CARMIL1: variants seen among roughly 807,000 people sequenced by gnomAD.
CARMIL1 encodes the protein capping protein regulator and myosin 1 linker 1.
CARMIL1 carries 90 observed loss-of-function variants against 177.1 expected under a neutral mutation model. That is an observed-to-expected ratio of 0.51 (90% CI 0.43 to 0.61). CARMIL1 has a LOEUF of 0.61. Among genes scored for constraint, CARMIL1 ranks in the 20% least tolerant of loss-of-function variants. The pLI, the probability that CARMIL1 is intolerant of heterozygous loss-of-function variation, is 0.00. For missense variants in CARMIL1, 1,380 were observed against 1,667.0 expected, an observed-to-expected ratio of 0.83 and a Z score of 3.00; for synonymous variants, 577 against 606.2, an observed-to-expected ratio of 0.95 and a Z score of 0.71.
chr6:25,384,535 G>A (rs1245472699), intron 2 of CARMIL1, among the ~76,000 whole-genome samples: 3 of 152,218 alleles, frequency 2.0e-5, no homozygotes, highest in African/African-American at 4.8e-5. Context: ...GTTGCTCTGA[G>A]CCAGTCCCCT....
intron 2 of CARMIL1, among the ~76,000 whole-genome samples, chr6:25,414,010 A>G (rs1159678537): frequency 1.3e-5 from 2 of 152,192 alleles, no homozygotes; most frequent in Admixed American, 6.5e-5. Context: ...CTAAGATGCT[A>G]TTAGTTAAGT....
intron 17 of CARMIL1, among the ~76,000 whole-genome samples, chr6:25,508,155 C>G (rs892882998): frequency 6.6e-6 from 1 of 152,000 alleles, no homozygotes; most frequent in African/African-American, 2.4e-5. Context: ...GGAAGATGTA[C>G]AGGTGTCATG....
intron 2 of CARMIL1, among the ~76,000 whole-genome samples, chr6:25,308,463 C>G (rs936674528): frequency 2.0e-5 from 3 of 149,396 alleles, no homozygotes; most frequent in African/African-American, 7.4e-5. Context: ...CTTACTGCAA[C>G]CTCTGACTCC....
chr6:25,299,265 G>T (rs1290283843), intron 2 of CARMIL1, among the ~76,000 whole-genome samples: 1 of 151,004 alleles, frequency 6.6e-6, no homozygotes, highest in Non-Finnish European at 1.5e-5. Flanking sequence ...CTGCCTCCCG[G>T]GCTCAAGGGA....
At chr6:25,367,779 G>T (rs969834580) in intron 2 of CARMIL1, among the ~76,000 whole-genome samples, 1 of 152,068 alleles carries the variant, frequency 6.6e-6, no homozygotes, top group South Asian at 2.1e-4. Flanking sequence ...CCCAAACCCC[G>T]ACGGAGCCTC....
intron 31 of CARMIL1, among the ~76,000 whole-genome samples, chr6:25,586,085 G>A (rs1050738362): frequency 6.6e-6 from 1 of 151,030 alleles, no homozygotes; most frequent in Non-Finnish European, 1.5e-5. Context: ...CGGGGTGGCG[G>A]CCAGGCAGAG....
chr6:25,604,013 A>G (rs530155450), intron 33 of CARMIL1, among the ~76,000 whole-genome samples: 15 of 152,308 alleles, frequency 9.8e-5, no homozygotes, highest in African/African-American at 3.1e-4. Flanking sequence ...TGCCTATTTC[A>G]GGACCCCTTT....
intron 8 of CARMIL1, among the ~76,000 whole-genome samples, chr6:25,453,437 T>G (rs1799188787): frequency 6.6e-6 from 1 of 152,208 alleles, no homozygotes; most frequent in Non-Finnish European, 1.5e-5. Flanking sequence ...ACAAACACTT[T>G]ACATTGAGAC....
At chr6:25,447,811 G>C (rs1444576150) in intron 5 of CARMIL1, among the ~76,000 whole-genome samples, 3 of 152,046 alleles carry the variant, frequency 2.0e-5, no homozygotes, top group African/African-American at 7.2e-5. Flanking sequence ...GGGGTGGCTT[G>C]GCTTTCTCTT....
At chr6:25,574,125 A>C (rs925854243) in intron 29 of CARMIL1, among the ~76,000 whole-genome samples, 5 of 152,188 alleles carry the variant, frequency 3.3e-5, no homozygotes, top group South Asian at 2.1e-4. Flanking sequence ...GTTATCCATC[A>C]GGAGGTAGCA....
intron 12 of CARMIL1, among the ~76,000 whole-genome samples, chr6:25,483,949 C>CA (rs1294155196): frequency 6.6e-6 from 1 of 151,952 alleles, no homozygotes; most frequent in Admixed American, 6.6e-5. Context: ...TTTGTAGAGA[C>CA]AGAGTTTCCA....
chr6:25,363,933 T>C (rs561188399), intron 2 of CARMIL1, among the ~76,000 whole-genome samples: 16 of 152,094 alleles, frequency 1.1e-4, no homozygotes, highest in Non-Finnish European at 2.4e-4. Context: ...TTCTCTCTTC[T>C]CTTCTCTCTC....
chr6:25,352,641 T>A (rs372376047), intron 2 of CARMIL1, among the ~76,000 whole-genome samples: 2 of 152,312 alleles, frequency 1.3e-5, no homozygotes, highest in African/African-American at 2.4e-5. Context: ...ATTTTCTCTG[T>A]GTCTATGAAA....
intron 2 of CARMIL1, among the ~76,000 whole-genome samples, chr6:25,320,972 C>T (rs568750221): frequency 3.9e-5 from 6 of 152,306 alleles, no homozygotes; most frequent in South Asian, 4.1e-4. Context: ...TTAAAGCCAT[C>T]CTGGACTGCA....
At chr6:25,471,312 C>G (rs1031411467) in intron 10 of CARMIL1, 55 bp downstream of exon 10, 1 of 1,259,832 alleles carries the variant, frequency 7.9e-7, no homozygotes, top group African/African-American at 1.5e-5. Context: ...GTGCCATTTG[C>G]TCTTCTAATT....
intron 11 of CARMIL1, chr6:25,479,158 T>TA (rs1404519833): frequency 1.9e-6 from 1 of 518,866 alleles, no homozygotes; most frequent in Non-Finnish European, 3.8e-6. Context: ...TCTCCAGACT[T>TA]ACCTTGTGGT....
chr6:25,418,802 G>A (rs1795588959), intron 2 of CARMIL1, among the ~76,000 whole-genome samples: 1 of 152,158 alleles, frequency 6.6e-6, no homozygotes. Flanking sequence ...AACTGTGACG[G>A]TGGCATTTGG....
At position 25,500,162 on chromosome 6, in the gene CARMIL1, T is replaced by G. The variant is rs1373556438; in HGVS notation, c.1326-4T>G. On this transcript the variant is annotated splice_region_variant and splice_polypyrimidine_tract_variant and intron_variant, in intron 16 of 36. Coordinates refer to ENST00000329474, the MANE Select transcript of CARMIL1 (RefSeq NM_017640.6). ...TATCTAATATGTGTGTTTCCTCCCC[T>G]CAGAGCACTGTTATTGGGCCTGGCT... 6.2e-7 allele frequency: 1 copy of G among 1,613,764 alleles called. No homozygotes were observed. The highest frequency in any genetic ancestry group is 1.7e-5 in the Admixed American group (1 of 60,028).
chr6:25,365,629 TG>T (rs1189564571), intron 2 of CARMIL1, among the ~76,000 whole-genome samples: 5 of 152,186 alleles, frequency 3.3e-5, no homozygotes, highest in African/African-American at 1.2e-4. Context: ...CTCAGCCCAC[TG>T]CAACCTTCAC....
Sources: allele counts gnomAD v4.1 joint callset (sites outside exome capture counted in the v4.1 genomes callset), GRCh38; gene constraint gnomAD v4.1.1; transcripts MANE v1.5; gene names NCBI Gene and HGNC (gene_info 2026-07-23, HGNC 2026-07-21).